TASP1: variants seen among roughly 807,000 people sequenced by gnomAD.
TASP1 encodes the protein taspase 1.
A neutral mutation model predicts 56.6 loss-of-function variants in TASP1; 16 were observed. The observed-to-expected ratio is 0.28, with a 90% CI of 0.19 to 0.43. The LOEUF is 0.43. TASP1 is among the 20% of genes least tolerant of loss of function. The pLI, the probability that TASP1 is intolerant of heterozygous loss-of-function variation, is 1.00. For missense variants in TASP1, 393 were observed against 511.6 expected, an observed-to-expected ratio of 0.77 and a Z score of 2.24; for synonymous variants, 179 against 184.2, an observed-to-expected ratio of 0.97 and a Z score of 0.23.
At chr20:13,495,297 G>C (rs1362275328) in intron 10 of TASP1, among the ~76,000 whole-genome samples, 2 of 152,066 alleles carry the variant, frequency 1.3e-5, no homozygotes, top group Admixed American at 6.6e-5. Flanking sequence ...CATTTCATCA[G>C]CTTTAAAGCT....
intron 6 of TASP1, among the ~76,000 whole-genome samples, chr20:13,572,261 T>A (rs6134914): frequency 0.23 from 35,411 of 152,076 alleles, 4,547 homozygotes; most frequent in Non-Finnish European, 0.29. Context: ...TAATAGAGTG[T>A]CAAACTTCTC....
chr20:13,151,927 G>A, the TASP1 span, among the ~76,000 whole-genome samples: 5 of 151,880 alleles, frequency 3.3e-5, no homozygotes, highest in African/African-American at 4.8e-5. Flanking sequence ...TTACCTAACC[G>A]CTCACAACAT....
the TASP1 span, among the ~76,000 whole-genome samples, chr20:13,256,846 A>G: frequency 1.3e-5 from 2 of 152,188 alleles, no homozygotes; most frequent in Admixed American, 6.5e-5. Context: ...TTGAAAGCCA[A>G]TCGGTAGAAG....
At chr20:13,508,696 C>G (rs78459902) in intron 10 of TASP1, among the ~76,000 whole-genome samples, 1,579 of 152,254 alleles carry the variant, frequency 0.01, 31 homozygotes, top group African/African-American at 0.035. Context: ...ATAGGACATT[C>G]TCCCAAAGAT....
the TASP1 span, among the ~76,000 whole-genome samples, chr20:13,204,706 A>G: frequency 1.8e-4 from 28 of 152,068 alleles, no homozygotes; most frequent in South Asian, 5.4e-3. Flanking sequence ...GTGGATTTAT[A>G]TTTTCTTCCC....
chr20:13,433,014 T>C (rs946216627), intron 12 of TASP1, among the ~76,000 whole-genome samples: 4 of 152,160 alleles, frequency 2.6e-5, no homozygotes, highest in Non-Finnish European at 5.9e-5. Context: ...CTGGGATACA[T>C]GTGCAGAACG....
chr20:13,221,726 C>A, the TASP1 span: 2 of 1,336,646 alleles, frequency 1.5e-6, no homozygotes, highest in Non-Finnish European at 1.9e-6. Context: ...GGCGTCACCG[C>A]CGCCGCCGCC....
intron 13 of TASP1, among the ~76,000 whole-genome samples, chr20:13,403,751 G>A (rs1600690153): frequency 6.6e-6 from 1 of 152,086 alleles, no homozygotes; most frequent in Non-Finnish European, 1.5e-5. Context: ...CAGGTGAGGT[G>A]TGCCCCTGCA....
chr20:13,574,319 C>G (rs6131488), intron 6 of TASP1, among the ~76,000 whole-genome samples: 49,165 of 151,996 alleles, frequency 0.32, 8,546 homozygotes, highest in Non-Finnish European at 0.38. Flanking sequence ...ACCTGAAAGG[C>G]TCAAGCTGTT....
At chr20:13,131,259 A>G in the TASP1 span, among the ~76,000 whole-genome samples, 1 of 152,048 alleles carries the variant, frequency 6.6e-6, no homozygotes, top group East Asian at 1.9e-4. Flanking sequence ...TCTTTCCCCA[A>G]CTCTGGGTAA....
downstream of TASP1, among the ~76,000 whole-genome samples, chr20:13,386,805 A>G (rs1490906634): frequency 6.6e-6 from 1 of 152,208 alleles, no homozygotes; most frequent in East Asian, 1.9e-4. Context: ...TTATTTATAC[A>G]TACTTTGTAA....
At chr20:13,188,136 T>C in the TASP1 span, among the ~76,000 whole-genome samples, 1 of 152,094 alleles carries the variant, frequency 6.6e-6, no homozygotes, top group Admixed American at 6.6e-5. Flanking sequence ...CCTCTAAGAT[T>C]AAGAAGAAGA....
chr20:13,267,078 A>C, the TASP1 span, among the ~76,000 whole-genome samples: 69 of 152,354 alleles, frequency 4.5e-4, no homozygotes, highest in African/African-American at 1.5e-3. Flanking sequence ...TATTGATTGA[A>C]TAAAACAGGG....
At chr20:13,339,396 G>A in the TASP1 span, among the ~76,000 whole-genome samples, 1 of 152,208 alleles carries the variant, frequency 6.6e-6, no homozygotes, top group African/African-American at 2.4e-5. Flanking sequence ...ACATGTTGCA[G>A]ATAGCAACAT....
downstream of TASP1, among the ~76,000 whole-genome samples, chr20:13,385,707 G>T (rs558542792): frequency 2.6e-5 from 4 of 152,328 alleles, no homozygotes; most frequent in South Asian, 8.3e-4. Flanking sequence ...ACCAGAAAAG[G>T]GGAGAAAGCC....
At chr20:13,569,477 T>A in intron 7 of TASP1, 30 bp downstream of exon 7, 1 of 1,580,120 alleles carries the variant, frequency 6.3e-7, no homozygotes, top group East Asian at 2.2e-5. Flanking sequence ...TATGCTCATA[T>A]AGCTTAATTT....
At chr20:13,369,144 A>T in the TASP1 span, among the ~76,000 whole-genome samples, 1 of 152,156 alleles carries the variant, frequency 6.6e-6, no homozygotes. Flanking sequence ...TTGAGAGATG[A>T]CCAATAATGT....
chr20:13,193,219 C>T, the TASP1 span, among the ~76,000 whole-genome samples: 1 of 152,002 alleles, frequency 6.6e-6, no homozygotes. Context: ...GAGAAGAAAA[C>T]AATTACAAAC....
At chr20:13,299,406 A>AGGCCCG in the TASP1 span, 2 of 1,612,158 alleles carry the variant, frequency 1.2e-6, no homozygotes, top group Non-Finnish European at 8.5e-7. This position sits in a 1 kb window ranked among gnomAD's most constrained non-coding sequence, Gnocchi z 5.8. Context: ...GTGCACAGAG[A>AGGCCCG]GCCCCTCGGA....
Sources: gnomAD v4.1 joint callset for allele counts (sites outside exome capture counted in the v4.1 genomes callset) on GRCh38, gnomAD v4.1.1 for gene constraint, Gnocchi (gnomAD v3.1) non-coding constraint, MANE v1.5 for transcripts, NCBI Gene and HGNC (gene_info 2026-07-23, HGNC 2026-07-21) for gene names.